WDR72: variants seen among roughly 807,000 people sequenced by gnomAD.
WDR72 encodes WD repeat domain 72, also known as WD repeat-containing protein 72.
A neutral mutation model predicts 124.2 loss-of-function variants in WDR72; 120 were observed. That is an observed-to-expected ratio of 0.97 (90% CI 0.83 to 1.12). WDR72 has a LOEUF of 1.12. Ranked by LOEUF, WDR72 falls within the 50% of genes most tolerant of loss-of-function variation. The pLI, the probability that WDR72 is intolerant of heterozygous loss-of-function variation, is 0.00. For missense variants in WDR72, 1,387 were observed against 1,278.8 expected (o/e 1.08, Z -1.29); for synonymous variants, 452 against 441.7 (o/e 1.02, Z -0.29).
intron 13 of WDR72, among the ~76,000 whole-genome samples, chr15:53,694,178 C>T (rs552723180): frequency 1.5e-4 from 23 of 152,260 alleles, no homozygotes; most frequent in Admixed American, 6.5e-4. Flanking sequence ...ACAGGAGTCA[C>T]GGGATGTGGA....
intron 18 of WDR72, among the ~76,000 whole-genome samples, chr15:53,564,791 T>C (rs1894237637): frequency 6.6e-6 from 1 of 151,786 alleles, no homozygotes; most frequent in African/African-American, 2.4e-5. Context: ...CATAAAATGA[T>C]GAAGGTGCTA....
intron 1 of WDR72, among the ~76,000 whole-genome samples, chr15:53,737,968 A>C (rs1004638050): frequency 1.3e-5 from 2 of 152,180 alleles, no homozygotes; most frequent in Non-Finnish European, 2.9e-5. Context: ...ATCTGACCAC[A>C]ATCAATAAAA....
At chr15:53,683,216 C>T (rs1328423510) in intron 13 of WDR72, among the ~76,000 whole-genome samples, 1 of 152,076 alleles carries the variant, frequency 6.6e-6, no homozygotes. Context: ...GGACACAGAG[C>T]CAAACCCTAT....
chr15:53,528,419 A>G (rs1892243586), intron 18 of WDR72, among the ~76,000 whole-genome samples: 1 of 152,072 alleles, frequency 6.6e-6, no homozygotes, highest in Non-Finnish European at 1.5e-5. Context: ...ACGCTTCTTT[A>G]TAACTAATAA....
chr15:53,684,616 G>T (rs182180808), intron 13 of WDR72: 5,830 of 158,048 alleles, frequency 0.037, 152 homozygotes, highest in Non-Finnish European at 0.047. Context: ...ACTGCAAGGC[G>T]GCAGCCAGGC....
intron 18 of WDR72, among the ~76,000 whole-genome samples, chr15:53,555,239 G>A (rs1415418521): frequency 6.6e-6 from 1 of 151,654 alleles, no homozygotes; most frequent in African/African-American, 2.4e-5. Context: ...AAGTGTAAGT[G>A]CGGGAAGGGT....
intron 3 of WDR72, among the ~76,000 whole-genome samples, chr15:53,716,956 G>A (rs2017730120): frequency 6.6e-6 from 1 of 152,122 alleles, no homozygotes; most frequent in Admixed American, 6.6e-5. Context: ...AGCTATCACA[G>A]CCTGTTAGTG....
At chr15:53,698,888 T>C (rs1048404004) in intron 13 of WDR72, among the ~76,000 whole-genome samples, 1 of 152,170 alleles carries the variant, frequency 6.6e-6, no homozygotes, top group Non-Finnish European at 1.5e-5. Flanking sequence ...ATCAAAGCTA[T>C]AAAACAATTT....
At chr15:53,586,387 T>A (rs912126679) in intron 18 of WDR72, among the ~76,000 whole-genome samples, 3 of 152,070 alleles carry the variant, frequency 2.0e-5, no homozygotes, top group Non-Finnish European at 2.9e-5. Flanking sequence ...AGTTTTGAAA[T>A]TATGTTCCCA....
At chr15:53,570,691 A>G (rs890895978) in intron 18 of WDR72, among the ~76,000 whole-genome samples, 1 of 152,136 alleles carries the variant, frequency 6.6e-6, no homozygotes, top group Admixed American at 6.6e-5. Context: ...TCAAAGAACT[A>G]AAAATAGAAT....
intron 19 of WDR72, among the ~76,000 whole-genome samples, chr15:53,522,745 A>G (rs1035205302): frequency 1.3e-5 from 2 of 152,042 alleles, no homozygotes; most frequent in Non-Finnish European, 2.9e-5. Context: ...ATTTGACAGT[A>G]TTCATTACCA....
chr15:53,748,097 G>T (rs1334937448), intron 1 of WDR72, among the ~76,000 whole-genome samples: 4 of 151,826 alleles, frequency 2.6e-5, no homozygotes, highest in Non-Finnish European at 5.9e-5. Flanking sequence ...CCAGGTGGTG[G>T]GTTGGGCTGC....
In WDR72 at chr15:53,523,238, A is replaced by G. The variant is rs749550697; in HGVS notation, c.3233T>C (p.Leu1078Ser). Residue 1078 changes from leucine to serine, a missense_variant, in exon 19 of 20, where the codon TTG becomes TCG. Leu to Ser is a moderately radical substitution (Grantham distance 145). Transcript: ENST00000360509. ...TTCACCTGGACTCTCAGACTCTTCC[A>G]AGGCACATCTGTCAGGCATGTCCTC... ...DVEDMPDRCALEESESPGEPR... is the reference protein window; with the variant it reads ...DVEDMPDRCASEESESPGEPR... 10 of 1,613,094 alleles carry G rather than the reference A, an allele frequency of 6.2e-6. No individual in the cohort carries two copies. In the Admixed American group the frequency reaches 1.7e-4, roughly 27 times the overall value.
At chr15:53,595,638 A>C (rs541036209) in intron 18 of WDR72, among the ~76,000 whole-genome samples, 2 of 152,306 alleles carry the variant, frequency 1.3e-5, no homozygotes, top group South Asian at 4.1e-4. Context: ...AAGTAACACT[A>C]GCTGACTTGG....
intron 17 of WDR72, among the ~76,000 whole-genome samples, chr15:53,600,724 G>A (rs1382842096): frequency 6.6e-6 from 1 of 152,078 alleles, no homozygotes; most frequent in African/African-American, 2.4e-5. Flanking sequence ...CCAACACTCT[G>A]CTCATGCTGG....
chr15:53,554,437 G>A (rs1318638540), intron 18 of WDR72, among the ~76,000 whole-genome samples: 1 of 152,106 alleles, frequency 6.6e-6, no homozygotes, highest in Non-Finnish European at 1.5e-5. Flanking sequence ...AGCCAAAGCT[G>A]GTTCAGTTGG....
At chr15:53,686,475 T>C (rs1452291850) in intron 13 of WDR72, among the ~76,000 whole-genome samples, 3 of 151,378 alleles carry the variant, frequency 2.0e-5, no homozygotes, top group African/African-American at 4.9e-5. Context: ...GGCCATTACA[T>C]AATGGTAAAG....
intron 13 of WDR72, among the ~76,000 whole-genome samples, chr15:53,688,408 A>G (rs1373626608): frequency 6.7e-6 from 1 of 149,466 alleles, no homozygotes; most frequent in Non-Finnish European, 1.5e-5. Flanking sequence ...AAGCATTCTT[A>G]TACACCAACA....
At chr15:53,641,816 G>A (rs2014862501) in intron 14 of WDR72, among the ~76,000 whole-genome samples, 2 of 151,668 alleles carry the variant, frequency 1.3e-5, no homozygotes, top group East Asian at 1.9e-4. Flanking sequence ...TTTAGCCAAC[G>A]ACCATGCTGA....
Sources: gnomAD v4.1 joint callset for allele counts (sites outside exome capture counted in the v4.1 genomes callset) on GRCh38, gnomAD v4.1.1 for gene constraint, MANE v1.5 for transcripts, NCBI Gene and HGNC (gene_info 2026-07-23, HGNC 2026-07-21) for gene names.